Variants in CNTNAP5 observed in about 807,000 individuals in gnomAD.
CNTNAP5 encodes contactin associated protein family member 5.
Under a neutral mutation model 150.2 loss-of-function variants are expected in CNTNAP5, and 72 were observed. The ratio of observed to expected loss-of-function variants is 0.48; its 90% CI spans 0.40 to 0.58. The LOEUF is 0.58. Ranked by LOEUF, CNTNAP5 falls within the 20% of genes least tolerant of loss-of-function variation. The pLI, the probability that CNTNAP5 is intolerant of heterozygous loss-of-function variation, is 0.00. For synonymous variants in CNTNAP5, 672 were observed against 619.8 expected (o/e 1.08, Z -1.25); for missense variants, 1,636 against 1,626.2 (o/e 1.01, Z -0.10).
intron 22 of CNTNAP5, among the ~76,000 whole-genome samples, chr2:124,905,139 T>C (rs957866231): frequency 1.1e-4 from 16 of 147,620 alleles, no homozygotes; most frequent in Non-Finnish European, 1.8e-4. Context: ...TTTTTTTTTT[T>C]CCACAAAAGG....
chr2:124,055,363 C>T (rs1310551650), intron 1 of CNTNAP5, among the ~76,000 whole-genome samples: 9 of 152,316 alleles, frequency 5.9e-5, no homozygotes. Context: ...CTCATCTCCT[C>T]CAACCCCTTC....
Position 124,418,244 on chromosome 2 carries a change from T to G in CNTNAP5, c.529+654T>G, listed in dbSNP as rs953982507. Reference sequence around the variant, plus strand: ...TGAAATTGCATCATAATAAATAGTTTTTCTGCCGTAAGCAGTGACATATTC... The same window carrying G: ...TGAAATTGCATCATAATAAATAGTTGTTCTGCCGTAAGCAGTGACATATTC... On this transcript the variant is annotated intron_variant, in intron 4 of 23. Transcript: ENST00000682447. Among the ~76,000 whole-genome samples the G allele has an allele frequency of 1.2e-4, 19 of 152,304 alleles. 1 individual carries two copies. Among genetic ancestry groups the G allele is most frequent in the Admixed American group, 1.2e-3 (18 of 15,298 alleles).
At chr2:124,641,713 C>G (rs1367309576) in intron 12 of CNTNAP5, among the ~76,000 whole-genome samples, 1 of 152,140 alleles carries the variant, frequency 6.6e-6, no homozygotes, top group Non-Finnish European at 1.5e-5. Flanking sequence ...GCACACTGTT[C>G]AAAGGATGAG....
In CNTNAP5 at chr2:124,773,035, G is replaced by T. The variant is rs767634999; in HGVS notation, c.2752+18G>T. 6.2e-7 allele frequency: 1 copy of T among 1,603,062 alleles called. No homozygotes were observed. Among genetic ancestry groups the T allele is most frequent in the East Asian group, 2.2e-5 (1 of 44,796 alleles). On this transcript the variant is annotated intron_variant, in intron 17 of 23. Transcript: ENST00000682447. ...GTTTGTAGGTAGGGGACATCTTAAG[G>T]CTCCTTTTGTGCTAAACCCTGCAAG...
intron 3 of CNTNAP5, among the ~76,000 whole-genome samples, chr2:124,407,396 G>A (rs547509848): frequency 9.9e-5 from 15 of 152,178 alleles, no homozygotes; most frequent in African/African-American, 2.9e-4. Context: ...AGAGGTCAGG[G>A]GAAAGCTTCC....
chr2:124,513,092 A>G (rs910311089), intron 8 of CNTNAP5, among the ~76,000 whole-genome samples: 4 of 152,202 alleles, frequency 2.6e-5, no homozygotes, highest in Admixed American at 2.0e-4. Flanking sequence ...TCAGGCTGCT[A>G]TAAGAAAATA....
At chr2:124,469,804 T>A (rs1693461482) in intron 6 of CNTNAP5, among the ~76,000 whole-genome samples, 1 of 152,134 alleles carries the variant, frequency 6.6e-6, no homozygotes, top group Non-Finnish European at 1.5e-5. Flanking sequence ...CAGCTCCCAA[T>A]TATAAGTGAG....
At chr2:124,032,979 T>TC (rs1417962955) in intron 1 of CNTNAP5, among the ~76,000 whole-genome samples, 1 of 152,252 alleles carries the variant, frequency 6.6e-6, no homozygotes, top group East Asian at 1.9e-4. Context: ...CAGTTCTCAT[T>TC]CCCCCTCTGA....
intron 3 of CNTNAP5, among the ~76,000 whole-genome samples, chr2:124,320,290 A>T (rs1573914192): frequency 6.6e-6 from 1 of 152,224 alleles, no homozygotes; most frequent in East Asian, 1.9e-4. Context: ...AATTTTCTCC[A>T]GCAATGTATG....
chr2:124,154,747 A>G (rs1684484075), intron 1 of CNTNAP5, among the ~76,000 whole-genome samples: 2 of 152,218 alleles, frequency 1.3e-5, no homozygotes, highest in South Asian at 4.1e-4. Flanking sequence ...GACCAATGGG[A>G]TGAATGCAGC....
At chr2:124,538,213 G>A (rs866549929) in intron 10 of CNTNAP5, among the ~76,000 whole-genome samples, 13 of 152,164 alleles carry the variant, frequency 8.5e-5, no homozygotes, top group South Asian at 2.1e-4. Flanking sequence ...TAGGCCAGGC[G>A]CAGTGGCTCA....
intron 10 of CNTNAP5, among the ~76,000 whole-genome samples, chr2:124,533,757 C>G (rs930757292): frequency 1.4e-4 from 22 of 152,300 alleles, no homozygotes; most frequent in African/African-American, 5.1e-4. Flanking sequence ...ACAAACAAAG[C>G]CTTCATGAAT....
At chr2:124,316,973 C>A (rs1688982875) in intron 3 of CNTNAP5, among the ~76,000 whole-genome samples, 1 of 152,030 alleles carries the variant, frequency 6.6e-6, no homozygotes, top group Admixed American at 6.6e-5. Context: ...AATTTTATAT[C>A]TGAAACTCAG....
chr2:124,657,373 C>A (rs1264647151), intron 13 of CNTNAP5, among the ~76,000 whole-genome samples: 1 of 152,100 alleles, frequency 6.6e-6, no homozygotes, highest in Non-Finnish European at 1.5e-5. Flanking sequence ...TTTTTTAAGA[C>A]CAAAACCTAC....
chr2:124,110,777 G>A (rs904644127), intron 1 of CNTNAP5, among the ~76,000 whole-genome samples: 12 of 152,178 alleles, frequency 7.9e-5, no homozygotes, highest in African/African-American at 1.7e-4. Context: ...ACTGTAAAAT[G>A]TACCTTCCAA....
chr2:124,677,038 G>A (rs1678956188), intron 13 of CNTNAP5, among the ~76,000 whole-genome samples: 2 of 152,090 alleles, frequency 1.3e-5, no homozygotes, highest in South Asian at 2.1e-4. Flanking sequence ...GTGGGTTCTT[G>A]GTCTCACTGA....
rs375142994 is a variant in CNTNAP5, at chr2:124,527,383, C to G, written c.1576C>G (p.Leu526Val). 6.2e-7 allele frequency: 1 copy of G among 1,613,576 alleles called. No homozygotes were observed. The highest frequency in any genetic ancestry group is 8.5e-7 in the Non-Finnish European group (1 of 1,179,694). Residue 526 changes from leucine to valine, a missense_variant, in exon 10 of 24, where the codon CTC (leucine) becomes GTC (valine). Coordinates refer to ENST00000682447, the MANE Select transcript of CNTNAP5 (RefSeq NM_001367498.1). Reference sequence around the variant, plus strand: ...CTTTATTGATAACCAGCCCAAGGACCTCATTTCAGTTCAGCAAGGTTCCCT... The same window carrying G: ...CTTTATTGATAACCAGCCCAAGGACGTCATTTCAGTTCAGCAAGGTTCCCT... Reference protein sequence around the residue: ...LIFIDNQPKDLISVQQGSLGN... With the variant: ...LIFIDNQPKDVISVQQGSLGN...
At chr2:124,677,476 C>T (rs576172842) in intron 13 of CNTNAP5, among the ~76,000 whole-genome samples, 6 of 152,188 alleles carry the variant, frequency 3.9e-5, no homozygotes, top group Non-Finnish European at 7.3e-5. Context: ...TATTTGGCCC[C>T]GCCCACATCC....
chr2:124,471,852 C>G (rs912767827), intron 6 of CNTNAP5, among the ~76,000 whole-genome samples: 1 of 151,730 alleles, frequency 6.6e-6, no homozygotes, highest in Non-Finnish European at 1.5e-5. Context: ...TTCTGTTTAT[C>G]CACATTTATG....
Sources: gnomAD v4.1 joint callset for allele counts (sites outside exome capture counted in the v4.1 genomes callset) on GRCh38, gnomAD v4.1.1 for gene constraint, MANE v1.5 for transcripts, NCBI Gene and HGNC (gene_info 2026-07-23, HGNC 2026-07-21) for gene names.